The following OSCP1 variants were observed in gnomAD, a reference collection of about 807,000 sequenced individuals.
OSCP1 encodes the protein organic solute carrier partner 1, also known as protein OSCP1.
In OSCP1, 35 loss-of-function variants were observed where a neutral mutation model predicts 45.1. The ratio of observed to expected loss-of-function variants is 0.78; its 90% CI spans 0.59 to 1.03. The LOEUF (loss-of-function observed/expected upper bound fraction) is 1.03, where lower values mean the gene tolerates loss of function less well. OSCP1 is among the 50% of genes least tolerant of loss of function. The pLI, the probability that OSCP1 is intolerant of heterozygous loss-of-function variation, is 0.00. For synonymous variants in OSCP1, 179 were observed against 180.1 expected (o/e 0.99, Z 0.05); for missense variants, 400 against 470.7 (o/e 0.85, Z 1.39).
Position 36,431,803 on chromosome 1 carries a change from C to CG in OSCP1, c.514dup (p.Arg172ProfsTer13). 6.2e-7 allele frequency: 1 copy of CG among 1,613,350 alleles called. No individual in the cohort carries two copies. Among genetic ancestry groups the CG allele is most frequent in the Non-Finnish European group, 8.5e-7 (1 of 1,179,874 alleles). On this transcript the variant is annotated frameshift_variant and splice_region_variant, in exon 4 of 10. Coordinates refer to ENST00000235532, the MANE Select transcript of OSCP1 (RefSeq NM_145047.5). LOFTEE classifies it high-confidence loss of function. ...TCCCAGGGCTGCCTATTGACTTACT[C>CG]GGATGTGCAGGTCTTGGAAGAAGAT...
rs1220875284 is a variant in OSCP1 at position 36,447,103 on chromosome 1, C to G, written c.112+3155G>C. ...ATCTAGAAGAAATATGATTTCCACT[C>G]AAAGCTTCGAAGAGGACTAGTTTAC... On this transcript the variant is annotated intron_variant, in intron 1 of 9. Transcript: ENST00000235532. This position sits in a 1 kb window ranked among gnomAD's most constrained non-coding sequence, Gnocchi z 4.1. Among the ~76,000 whole-genome samples, 1 of 152,138 alleles carries G rather than the reference C, an allele frequency of 6.6e-6. No homozygotes were observed. The highest frequency in any genetic ancestry group is 1.5e-5 in the Non-Finnish European group (1 of 68,026).
intron 4 of OSCP1, 85 bp downstream of exon 4, chr1:36,431,717 C>T (rs1014955641): frequency 2.3e-5 from 30 of 1,326,456 alleles, no homozygotes; most frequent in Admixed American, 1.7e-4. Context: ...GCAAAATCTC[C>T]GTCCTTGTTT....
At chr1:36,437,134 T>A (rs1204990587) in intron 2 of OSCP1, among the ~76,000 whole-genome samples, 6 of 152,168 alleles carry the variant, frequency 3.9e-5, no homozygotes, top group Non-Finnish European at 8.8e-5. Context: ...CTTTCCATAC[T>A]GTACTCTTTA....
intron 2 of OSCP1, among the ~76,000 whole-genome samples, chr1:36,435,994 T>TTC (rs1648703929): frequency 1.3e-5 from 2 of 152,074 alleles, no homozygotes; most frequent in African/African-American, 4.8e-5. Context: ...AAAGGCAGTC[T>TTC]GTCTCCCTGA....
chr1:36,436,829 T>C (rs536450934), intron 2 of OSCP1, among the ~76,000 whole-genome samples: 20 of 152,330 alleles, frequency 1.3e-4, no homozygotes, highest in African/African-American at 3.6e-4. Flanking sequence ...GGGCTCCTCT[T>C]GGCTGGACAG....
chr1:36,418,879 G>A lies in OSCP1; in HGVS notation c.1023+112C>T, dbSNP rs1647437575. On this transcript the variant is annotated intron_variant, in intron 9 of 9. Coordinates refer to ENST00000235532, the MANE Select transcript of OSCP1 (RefSeq NM_145047.5). Reference sequence around the variant, plus strand: ...GGAGGTGGAAGTTGCGGTAAGCTGAGATCAAGCCACTGCACTTCACCTGGG... The same window carrying A: ...GGAGGTGGAAGTTGCGGTAAGCTGAAATCAAGCCACTGCACTTCACCTGGG... 29 of 864,192 alleles carry A rather than the reference G, an allele frequency of 3.4e-5. 2 individuals are homozygous for A. The South Asian group carries it at 4.7e-4, about 14-fold the overall frequency. The allele number at this position is 864,192 out of a possible 1,614,324, so 53.5% of individuals were successfully genotyped here. A position where few individuals can be genotyped will look rare whatever the true frequency, so the allele number is the denominator to read the frequency against.
At chr1:36,439,602 A>G (rs1648991793) in intron 1 of OSCP1, among the ~76,000 whole-genome samples, 1 of 152,236 alleles carries the variant, frequency 6.6e-6, no homozygotes, top group Non-Finnish European at 1.5e-5. Context: ...TGGGACCAAC[A>G]ATGGTAATTG....
chr1:36,427,670 T>C (rs1458720512), intron 4 of OSCP1, among the ~76,000 whole-genome samples: 1 of 152,224 alleles, frequency 6.6e-6, no homozygotes, highest in Non-Finnish European at 1.5e-5. Flanking sequence ...GAAATCAATA[T>C]GGCTGTTTAT....
At chr1:36,449,866 A>AAAAAAAAAG (rs1649784449) in intron 1 of OSCP1, among the ~76,000 whole-genome samples, 2 of 146,468 alleles carry the variant, frequency 1.4e-5, no homozygotes, top group African/African-American at 2.6e-5. Context: ...AAAAAAAAAA[A>AAAAAAAAAG]AATCAGAACC....
chr1:36,435,755 C>T (rs1648686429), intron 2 of OSCP1, among the ~76,000 whole-genome samples: 1 of 152,008 alleles, frequency 6.6e-6, no homozygotes, highest in Non-Finnish European at 1.5e-5. Flanking sequence ...GCCTCAGCCT[C>T]CCAAGTAGCT....
chr1:36,420,101 G>A (rs1185770399), intron 8 of OSCP1, among the ~76,000 whole-genome samples: 7 of 151,134 alleles, frequency 4.6e-5, no homozygotes, highest in African/African-American at 9.7e-5. Flanking sequence ...TCAGCCTCCC[G>A]AGTAGCTGGG....
chr1:36,428,719 C>T (rs565025205), intron 4 of OSCP1, among the ~76,000 whole-genome samples: 3 of 151,950 alleles, frequency 2.0e-5, no homozygotes, highest in East Asian at 1.9e-4. Flanking sequence ...CTGAGGCGGG[C>T]GGATCGCCTG....
At chr1:36,441,524 G>A (rs1445680153) in intron 1 of OSCP1, among the ~76,000 whole-genome samples, 1 of 151,746 alleles carries the variant, frequency 6.6e-6, no homozygotes, top group Non-Finnish European at 1.5e-5. Flanking sequence ...CGAGGCGGGC[G>A]GATCACGAAG....
chr1:36,418,296 T>C (rs372597689), intron 9 of OSCP1, 41 bp from the exon 10 acceptor site: 1 of 1,593,032 alleles, frequency 6.3e-7, no homozygotes, highest in African/African-American at 1.3e-5. Context: ...GAAGAGGCTG[T>C]GCTGGCAGGC....
At chr1:36,422,301 T>A in intron 6 of OSCP1, 82 bp from the exon 7 acceptor site, 1 of 1,309,364 alleles carries the variant, frequency 7.6e-7, no homozygotes, top group Non-Finnish European at 1.1e-6. Flanking sequence ...AGTTTGTAGC[T>A]TTTATTCTGA....
intron 1 of OSCP1, 103 bp downstream of exon 1, chr1:36,450,155 T>G: frequency 2.3e-6 from 2 of 873,350 alleles, no homozygotes; most frequent in Non-Finnish European, 3.7e-6. Flanking sequence ...GTTATAAGAG[T>G]GAAGTGTGTA....
In OSCP1 at chr1:36,434,892, C is replaced by T. The variant is rs1019656311; in HGVS notation, c.268-2303G>A. On this transcript the variant is annotated intron_variant, in intron 2 of 9. Transcript: ENST00000235532. ...CCATCATTGTCAAACATTAAGTGCT[C>T]GTATATAGGAAACCATGCTAGAAAT... Among the ~76,000 whole-genome samples the T allele has an allele frequency of 5.3e-5, 8 of 151,642 alleles. 1 individual carries two copies. In the South Asian group the frequency reaches 1.0e-3, roughly 20 times the overall value.
At chr1:36,427,571 C>T (rs1317561472) in intron 4 of OSCP1, among the ~76,000 whole-genome samples, 2 of 152,026 alleles carry the variant, frequency 1.3e-5, no homozygotes, top group Admixed American at 1.3e-4. Flanking sequence ...CCCGCCTTGG[C>T]CTCCCAAAGT....
intron 4 of OSCP1, among the ~76,000 whole-genome samples, chr1:36,430,049 G>C (rs1268853122): frequency 6.6e-6 from 1 of 151,786 alleles, no homozygotes; most frequent in South Asian, 2.1e-4. Context: ...CACCCGCCTC[G>C]GCCTCCCAAA....
Sources: gnomAD v4.1 joint callset for allele counts (sites outside exome capture counted in the v4.1 genomes callset) on GRCh38, gnomAD v4.1.1 for gene constraint, Gnocchi (gnomAD v3.1) non-coding constraint, MANE v1.5 for transcripts, NCBI Gene and HGNC (gene_info 2026-07-23, HGNC 2026-07-21) for gene names.